E2F3: variants seen among roughly 807,000 people sequenced by gnomAD.
E2F3 encodes the protein E2F transcription factor 3.
E2F3 carries 11 observed loss-of-function variants against 44.4 expected under a neutral mutation model. The observed-to-expected ratio is 0.25, with a 90% CI of 0.16 to 0.41. E2F3 has a LOEUF of 0.41. Among genes scored for constraint, E2F3 ranks in the 10% least tolerant of loss-of-function variants. E2F3 has a pLI of 1.00. For missense variants in E2F3, 487 were observed against 583.6 expected (o/e 0.83, Z 1.70); for synonymous variants, 249 against 253.0 (o/e 0.98, Z 0.15).
At chr6:20,405,490 C>T (rs1759464906) in intron 1 of E2F3, among the ~76,000 whole-genome samples, 2 of 150,844 alleles carry the variant, frequency 1.3e-5, no homozygotes, top group South Asian at 2.1e-4. Flanking sequence ...AGATTACAGG[C>T]GTGAGCCACC....
At chr6:20,404,644 C>T (rs1759431871) in intron 1 of E2F3, among the ~76,000 whole-genome samples, 2 of 152,312 alleles carry the variant, frequency 1.3e-5, no homozygotes, top group Non-Finnish European at 1.5e-5. Context: ...AGTTTCTCCC[C>T]GGGTTCGGTC....
intron 1 of E2F3, among the ~76,000 whole-genome samples, chr6:20,409,197 G>T (rs1401404345): frequency 2.0e-5 from 3 of 152,162 alleles, no homozygotes; most frequent in African/African-American, 7.2e-5. Flanking sequence ...TTCAGGAGTG[G>T]TTACCTTTTT....
At chr6:20,430,044 A>G (rs1581591509) in intron 1 of E2F3, among the ~76,000 whole-genome samples, 1 of 152,158 alleles carries the variant, frequency 6.6e-6, no homozygotes, top group Non-Finnish European at 1.5e-5. Context: ...GCTGTAGTTA[A>G]TCAAAGTTAA....
intron 1 of E2F3, among the ~76,000 whole-genome samples, chr6:20,417,041 T>C (rs1436463976): frequency 6.6e-6 from 1 of 152,206 alleles, no homozygotes; most frequent in African/African-American, 2.4e-5. Context: ...TCTCCAGACT[T>C]CTGGCATGTT....
chr6:20,471,897 G>A (rs1320282817), intron 1 of E2F3, among the ~76,000 whole-genome samples: 1 of 152,014 alleles, frequency 6.6e-6, no homozygotes, highest in Non-Finnish European at 1.5e-5. Context: ...AAAAATTTTA[G>A]TGAAGTCTGT....
chr6:20,435,601 A>G (rs1353453889), intron 1 of E2F3, among the ~76,000 whole-genome samples: 1 of 152,028 alleles, frequency 6.6e-6, no homozygotes, highest in Admixed American at 6.5e-5. Flanking sequence ...AAATACAAAC[A>G]TTAGCTGGGT....
intron 1 of E2F3, among the ~76,000 whole-genome samples, chr6:20,436,355 G>T (rs1760576128): frequency 6.6e-6 from 1 of 152,138 alleles, no homozygotes; most frequent in Non-Finnish European, 1.5e-5. Flanking sequence ...CTAGATCGGG[G>T]TGTCCAATCT....
In E2F3 at chr6:20,462,672, G is replaced by C. The variant is rs140045100; in HGVS notation, c.394-17174G>C. ...AGGGTTTCACCAGGTTGGTGAGGCT[G>C]GTCTTGAACTCCTGACCTCAGGTAA... On this transcript the variant is annotated intron_variant, in intron 1 of 6. Transcript: ENST00000346618. Among the ~76,000 whole-genome samples the C allele has an allele frequency of 5.9e-3, 896 of 151,664 alleles. 27 individuals carry two copies. Among genetic ancestry groups the C allele is most frequent in the Admixed American group, 0.055 (830 of 15,222 alleles).
chr6:20,465,044 C>G (rs1043886102), intron 1 of E2F3, among the ~76,000 whole-genome samples: 6 of 152,208 alleles, frequency 3.9e-5, no homozygotes, highest in African/African-American at 1.4e-4. Flanking sequence ...ACAATCTTAA[C>G]TGTAGCCCAA....
chr6:20,452,610 C>T (rs1257968911), intron 1 of E2F3: 1 of 151,926 alleles, frequency 6.6e-6, no homozygotes, highest in Non-Finnish European at 1.5e-5. Flanking sequence ...ATTTGCATAC[C>T]TTTTTTAAAA....
Position 20,402,402 on chromosome 6 carries a change from A to G in E2F3, c.170A>G (p.Tyr57Cys), listed in dbSNP as rs759225395. The G allele has an allele frequency of 6.2e-7, 1 of 1,606,678 alleles. No homozygotes were observed. The highest frequency in any genetic ancestry group is 2.3e-5 in the East Asian group (1 of 44,068). Residue 57 changes from tyrosine (Y) to cysteine (C), a missense_variant, in exon 1 of 7, where the codon TAC (tyrosine) becomes TGC (cysteine). This residue lies in a region of E2F3 where 238 missense variants were observed against 236.0 expected (regional missense o/e 1.01). Transcript: ENST00000346618. The surrounding 1 kb of genome is among the most constrained non-coding windows in gnomAD (Gnocchi z 5.6). Reference sequence around the variant, plus strand: ...GCCGCTGCCGCCGCCCCGGGCGCGTACATCCAGATCCTCACCACGAACACT... The same window carrying G: ...GCCGCTGCCGCCGCCCCGGGCGCGTGCATCCAGATCCTCACCACGAACACT... ...AAAAAAAPGA[Y>C]IQILTTNTST... is the part of the protein sequence containing the mutation.
chr6:20,479,929 T>C lies in E2F3; in HGVS notation c.477T>C (p.Ala159=). The part of the protein sequence containing the change: ...GLKTPKGKGR[A]ALRSPDSPKT... Reference sequence around the variant, plus strand: ...AAACCCCCAAGGGCAAAGGAAGAGCTGCACTACGAAGTCCAGATAGTCCAA... The same window carrying C: ...AAACCCCCAAGGGCAAAGGAAGAGCCGCACTACGAAGTCCAGATAGTCCAA... The change falls in exon 2 of 7, where the codon GCT becomes GCC. Residue 159 remains alanine, a synonymous_variant. Coordinates refer to ENST00000346618, the MANE Select transcript of E2F3 (RefSeq NM_001949.5). 1.9e-6 allele frequency: 3 copies of C among 1,612,058 alleles called. No individual in the cohort carries two copies. Among genetic ancestry groups the C allele is most frequent in the Non-Finnish European group, 2.5e-6 (3 of 1,179,056 alleles).
intron 1 of E2F3, among the ~76,000 whole-genome samples, chr6:20,405,535 T>C (rs905971164): frequency 7.2e-5 from 11 of 151,894 alleles, no homozygotes; most frequent in Non-Finnish European, 1.6e-4. Flanking sequence ...TTAAGAGCTA[T>C]TTCTACTGGC....
chr6:20,403,546 G>A (rs2127581906), intron 1 of E2F3: 1 of 433,664 alleles, frequency 2.3e-6, no homozygotes. Context: ...CGTGCGCGCA[G>A]GACGCGCCTG....
At chr6:20,405,040 T>A (rs1759447530) in intron 1 of E2F3, among the ~76,000 whole-genome samples, 1 of 152,204 alleles carries the variant, frequency 6.6e-6, no homozygotes, top group Non-Finnish European at 1.5e-5. Flanking sequence ...AGTTGATTTT[T>A]AAAAAATTTT....
chr6:20,440,933 T>G (rs1191127042), intron 1 of E2F3, among the ~76,000 whole-genome samples: 1 of 151,790 alleles, frequency 6.6e-6, no homozygotes. Flanking sequence ...GGGTCAGGGG[T>G]AGGGGTGGGA....
intron 1 of E2F3, chr6:20,403,800 A>T (rs1219694033): frequency 1.3e-6 from 2 of 1,493,642 alleles, no homozygotes; most frequent in Non-Finnish European, 8.9e-7. Context: ...CCCCGGAGCC[A>T]GGCTGGTTTC....
intron 1 of E2F3, among the ~76,000 whole-genome samples, chr6:20,468,597 T>C (rs1761790927): frequency 6.6e-6 from 1 of 152,206 alleles, no homozygotes; most frequent in Non-Finnish European, 1.5e-5. Context: ...ATTAAATCAC[T>C]GGCCATTGGG....
At position 20,402,323 on chromosome 6, in the gene E2F3, G is replaced by C. The variant is rs778801553; in HGVS notation, c.91G>C (p.Ala31Pro). The change falls in exon 1 of 7, where the codon GCC (alanine) becomes CCC (proline). Residue 31 changes from alanine to proline, a missense_variant. Ala to Pro is a conservative substitution (Grantham distance 27). This residue lies in a region of E2F3 where 238 missense variants were observed against 236.0 expected (regional missense o/e 1.01). Transcript: ENST00000346618. The surrounding 1 kb of genome is among the most constrained non-coding windows in gnomAD (Gnocchi z 5.6). ...GGCTGTCGTCGCCGCCGCCGCTGCA[G>C]CCTCCATGGACAAAAGGGCACTGCT... is the stretch of plus-strand genomic sequence containing the variant. ...GAAVVAAAAA[A>P]SMDKRALLAS... 7.5e-6 allele frequency: 12 copies of C among 1,610,364 alleles called. No individual in the cohort carries two copies. In the South Asian group the frequency reaches 1.1e-4, roughly 15 times the overall value.
Sources: allele counts gnomAD v4.1 joint callset (sites outside exome capture counted in the v4.1 genomes callset), GRCh38; gene constraint gnomAD v4.1.1; regional missense constraint gnomAD v4.1.1; non-coding constraint Gnocchi (gnomAD v3.1); transcripts MANE v1.5; gene names NCBI Gene and HGNC (gene_info 2026-07-23, HGNC 2026-07-21).